The following TPP2 variants were observed in gnomAD, a reference collection of about 807,000 sequenced individuals.
TPP2 encodes the protein tripeptidyl-peptidase 2.
In TPP2, 34 loss-of-function variants were observed where a neutral mutation model predicts 155.9. The ratio of observed to expected loss-of-function variants is 0.22; its 90% CI spans 0.17 to 0.29. The LOEUF (loss-of-function observed/expected upper bound fraction) is 0.29. Ranked by LOEUF, TPP2 falls within the 10% of genes least tolerant of loss-of-function variation. TPP2 has a pLI of 1.00. For missense variants in TPP2, 1,028 were observed against 1,522.3 expected, an observed-to-expected ratio of 0.68 and a Z score of 5.40; for synonymous variants, 510 against 529.4, an observed-to-expected ratio of 0.96 and a Z score of 0.50.
chr13:102,674,927 A>G (rs938067265), intron 28 of TPP2, among the ~76,000 whole-genome samples: 4 of 152,116 alleles, frequency 2.6e-5, no homozygotes, highest in African/African-American at 7.3e-5. Context: ...AGTAATTATC[A>G]TCTTGATTTG....
At chr13:102,639,473 A>G (rs1197742261) in intron 15 of TPP2, among the ~76,000 whole-genome samples, 3 of 152,188 alleles carry the variant, frequency 2.0e-5, no homozygotes, top group Non-Finnish European at 4.4e-5. Flanking sequence ...AGACCAGGTA[A>G]TGTGTAAGAC....
chr13:102,625,884 C>T (rs1881584812), intron 6 of TPP2, among the ~76,000 whole-genome samples: 1 of 152,194 alleles, frequency 6.6e-6, no homozygotes, highest in South Asian at 2.1e-4. Flanking sequence ...TATTGTTTTT[C>T]TGAGACTAGT....
At chr13:102,629,761 C>G in intron 9 of TPP2, 152 bp downstream of exon 9, 1 of 1,105,844 alleles carries the variant, frequency 9.0e-7, no homozygotes, top group Non-Finnish European at 1.2e-6. Flanking sequence ...GGGGAACCAG[C>G]ACATCTAGAA....
At chr13:102,617,150 G>C (rs993995690) in intron 4 of TPP2, among the ~76,000 whole-genome samples, 2 of 151,682 alleles carry the variant, frequency 1.3e-5, no homozygotes, top group African/African-American at 4.8e-5. Context: ...TCCCAACCTT[G>C]TGATACGCCC....
chr13:102,625,164 CTT>C (rs71125084), intron 6 of TPP2, among the ~76,000 whole-genome samples: 4 of 73,478 alleles, frequency 5.4e-5, no homozygotes, highest in Admixed American at 1.7e-4. Context: ...GGCCACTTAA[CTT>C]TTTTTTTTTT....
chr13:102,633,648 A>G (rs1199223139), intron 10 of TPP2, among the ~76,000 whole-genome samples: 2 of 152,202 alleles, frequency 1.3e-5, no homozygotes, highest in East Asian at 3.9e-4. Flanking sequence ...GAACAGTGAC[A>G]TTTATTTTCT....
At chr13:102,634,985 A>G (rs994677293) in intron 11 of TPP2, among the ~76,000 whole-genome samples, 1 of 152,170 alleles carries the variant, frequency 6.6e-6, no homozygotes, top group African/African-American at 2.4e-5. Context: ...ATCAATGTTT[A>G]TGTGTTTAAT....
At chr13:102,666,434 A>C (rs1884600956) in intron 27 of TPP2, among the ~76,000 whole-genome samples, 1 of 152,162 alleles carries the variant, frequency 6.6e-6, no homozygotes. Flanking sequence ...ATCTTATTGC[A>C]AGAGGAGGCT....
chr13:102,655,266 G>A (rs563187417), intron 24 of TPP2, among the ~76,000 whole-genome samples: 21 of 152,172 alleles, frequency 1.4e-4, no homozygotes, highest in Non-Finnish European at 2.1e-4. Flanking sequence ...TATTTGTGTC[G>A]TATATGCTCC....
intron 2 of TPP2, 63 bp from the exon 3 acceptor site, chr13:102,614,038 A>T: frequency 2.1e-6 from 3 of 1,422,432 alleles, no homozygotes; most frequent in African/African-American, 1.4e-5. Flanking sequence ...TTTGCTCAGT[A>T]GTGTATCATT....
At chr13:102,654,902 C>T (rs1400925502) in intron 24 of TPP2, 2 of 463,704 alleles carry the variant, frequency 4.3e-6, no homozygotes, top group African/African-American at 2.0e-5. Flanking sequence ...CAGTGCCTAC[C>T]CAGAGAGTGA....
chr13:102,677,043 C>T (rs1432204749), intron 29 of TPP2, among the ~76,000 whole-genome samples: 1 of 152,138 alleles, frequency 6.6e-6, no homozygotes, highest in African/African-American at 2.4e-5. Flanking sequence ...GTTAATTATA[C>T]TTTATATGTA....
At chr13:102,675,327 A>T (rs940098174) in intron 28 of TPP2, among the ~76,000 whole-genome samples, 6 of 152,216 alleles carry the variant, frequency 3.9e-5, no homozygotes, top group African/African-American at 1.4e-4. Flanking sequence ...CCAGTATTGC[A>T]GCAGAGGTCA....
chr13:102,674,580 G>C, intron 28 of TPP2, 90 bp downstream of exon 28: 1 of 1,308,994 alleles, frequency 7.6e-7, no homozygotes, highest in East Asian at 2.4e-5. Context: ...AGAGGAAGAA[G>C]ATAAATGGAA....
At chr13:102,650,982 A>C (rs983090162) in intron 23 of TPP2, among the ~76,000 whole-genome samples, 1 of 152,196 alleles carries the variant, frequency 6.6e-6, no homozygotes, top group African/African-American at 2.4e-5. Context: ...TGACTTTCAC[A>C]GTAACTTTGT....
chr13:102,655,293 G>A (rs894674377), intron 24 of TPP2, among the ~76,000 whole-genome samples: 7 of 152,110 alleles, frequency 4.6e-5, no homozygotes, highest in African/African-American at 1.4e-4. Flanking sequence ...TCCTATTTGC[G>A]GGAGGTGAGG....
chr13:102,634,235 G>A, intron 11 of TPP2, 137 bp downstream of exon 11: 1 of 1,178,728 alleles, frequency 8.5e-7, no homozygotes, highest in African/African-American at 1.5e-5. Flanking sequence ...AATAACTTAT[G>A]TGATAATGAT....
At chr13:102,665,582 A>G (rs1884541482) in intron 27 of TPP2, among the ~76,000 whole-genome samples, 1 of 152,158 alleles carries the variant, frequency 6.6e-6, no homozygotes, top group Non-Finnish European at 1.5e-5. Flanking sequence ...GTGACTCTGA[A>G]CCAAGCTGCC....
intron 6 of TPP2, among the ~76,000 whole-genome samples, chr13:102,624,396 C>T (rs1881411556): frequency 6.6e-6 from 1 of 152,096 alleles, no homozygotes; most frequent in Admixed American, 6.6e-5. Flanking sequence ...CATACATATA[C>T]ATAATTTGAT....
Sources: gnomAD v4.1 joint callset for allele counts (sites outside exome capture counted in the v4.1 genomes callset) on GRCh38, gnomAD v4.1.1 for gene constraint, MANE v1.5 for transcripts, NCBI Gene and HGNC (gene_info 2026-07-23, HGNC 2026-07-21) for gene names.